IREB2: variants seen among roughly 807,000 people sequenced by gnomAD.
IREB2 encodes the protein iron responsive element binding protein 2.
In IREB2, 39 loss-of-function variants were observed where a neutral mutation model predicts 118.8. That is an observed-to-expected ratio of 0.33 (90% CI 0.25 to 0.43). The LOEUF (loss-of-function observed/expected upper bound fraction) is 0.43, where lower values mean the gene tolerates loss of function less well. Ranked by LOEUF, IREB2 falls within the 20% of genes least tolerant of loss-of-function variation. The pLI is 1.00. For synonymous variants in IREB2, 372 were observed against 392.2 expected (o/e 0.95, Z 0.61); for missense variants, 900 against 1,147.3 (o/e 0.78, Z 3.11).
intron 9 of IREB2, 200 bp downstream of exon 9, chr15:78,476,559 G>A (rs560876154): frequency 1.2e-4 from 49 of 394,280 alleles, no homozygotes; most frequent in African/African-American, 7.6e-4. Flanking sequence ...CACATTGAAA[G>A]CAATTTAAAG....
intron 2 of IREB2, among the ~76,000 whole-genome samples, chr15:78,453,769 T>C (rs1410627624): frequency 1.6e-4 from 25 of 152,118 alleles, no homozygotes; most frequent in Admixed American, 1.6e-3. Context: ...AGAAGATAAA[T>C]AGAGATTAAA....
At chr15:78,477,236 C>T (rs2051486827) in intron 9 of IREB2, among the ~76,000 whole-genome samples, 3 of 152,188 alleles carry the variant, frequency 2.0e-5, no homozygotes, top group African/African-American at 4.8e-5. Context: ...TCCTGTGTAA[C>T]AAATTATCCT....
At chr15:78,438,033 A>G (rs960574370), upstream of IREB2, 3 of 442,866 alleles carry the variant, frequency 6.8e-6, no homozygotes, top group Admixed American at 7.4e-5. Context: ...CCCCCACTGG[A>G]GCCTCCCCAG....
Position 78,498,405 on chromosome 15 carries a change from G to A in IREB2, c.*262G>A, listed in dbSNP as rs748880232. The A allele has an allele frequency of 2.9e-4, 66 of 227,268 alleles. No individual in the cohort carries two copies. The highest frequency in any genetic ancestry group is 5.7e-4 in the Admixed American group (10 of 17,612). The allele number at this position is 227,268 out of a possible 1,614,324, so 14.1% of individuals were successfully genotyped here. On this transcript the variant is annotated 3_prime_UTR_variant, in exon 22 of 22. Coordinates refer to ENST00000258886, the MANE Select transcript of IREB2 (RefSeq NM_004136.4). Reference sequence around the variant, plus strand: ...AGACCTGTAAGTATGGGGGGGGGGCGATATTTTATCAGACCATTTTGTAAA... The same window carrying A: ...AGACCTGTAAGTATGGGGGGGGGGCAATATTTTATCAGACCATTTTGTAAA...
intron 2 of IREB2, among the ~76,000 whole-genome samples, chr15:78,440,561 C>T (rs1008954429): frequency 5.9e-5 from 9 of 152,074 alleles, no homozygotes; most frequent in African/African-American, 2.2e-4. Context: ...GAGTTGGGGT[C>T]TTGCTGTGTT....
chr15:78,444,075 A>G (rs1180520595), intron 2 of IREB2, among the ~76,000 whole-genome samples: 2 of 152,074 alleles, frequency 1.3e-5, no homozygotes, highest in African/African-American at 4.8e-5. Flanking sequence ...AAAAAAAATT[A>G]TAAAGATGGA....
At position 78,445,205 on chromosome 15, in the gene IREB2, TC is replaced by T. The variant is rs142913344; in HGVS notation, c.106+5325del. On this transcript the variant is annotated intron_variant, in intron 2 of 21. Transcript: ENST00000258886. ...CAGGCTGGAGTGCAGTGGCACAGTCTCAGTTCATTGCGTCCTCCAACTCCTG... is the reference window on the plus strand; with the variant it reads ...CAGGCTGGAGTGCAGTGGCACAGTCTAGTTCATTGCGTCCTCCAACTCCTG... Among the ~76,000 whole-genome samples the T allele has an allele frequency of 1.4e-4, 21 of 151,442 alleles. No individual in the cohort carries two copies. In the East Asian group the frequency reaches 4.1e-3, roughly 30 times the overall value.
Position 78,498,235 on chromosome 15 carries a change from C to A in IREB2, c.*92C>A. ...TCCTTACCATGGAGCAGCAGATAGT[C>A]CCAGTATACTCACTTATCTCATCCA... On this transcript the variant is annotated 3_prime_UTR_variant, in exon 22 of 22. Coordinates refer to ENST00000258886, the MANE Select transcript of IREB2 (RefSeq NM_004136.4). The A allele has an allele frequency of 1.5e-6, 1 of 678,500 alleles. No individual in the cohort carries two copies. The highest frequency in any genetic ancestry group is 2.7e-6 in the Non-Finnish European group (1 of 374,040). 42.0% of individuals were successfully genotyped at this position (678,500 alleles called of 1,614,324 possible). A position where few individuals can be genotyped will look rare whatever the true frequency, so the allele number is the denominator to read the frequency against.
chr15:78,446,486 G>A (rs2050931189), intron 2 of IREB2, among the ~76,000 whole-genome samples: 2 of 152,230 alleles, frequency 1.3e-5, no homozygotes, highest in South Asian at 4.1e-4. Context: ...AAATGGTGGT[G>A]GCCCAGAATT....
chr15:78,469,193 AAGAT>A (rs1408236063), intron 5 of IREB2, among the ~76,000 whole-genome samples: 1 of 152,174 alleles, frequency 6.6e-6, no homozygotes, highest in Non-Finnish European at 1.5e-5. Flanking sequence ...GTTGAGTAGA[AAGAT>A]GAGAGCATAA....
intron 20 of IREB2, among the ~76,000 whole-genome samples, chr15:78,496,922 G>A (rs551779083): frequency 7.9e-5 from 12 of 152,242 alleles, no homozygotes; most frequent in African/African-American, 1.4e-4. Flanking sequence ...AAAGGGATCC[G>A]AATAATTTAG....
intron 9 of IREB2, among the ~76,000 whole-genome samples, chr15:78,477,680 G>T (rs1368236275): frequency 1.3e-5 from 2 of 152,166 alleles, no homozygotes; most frequent in African/African-American, 4.8e-5. Flanking sequence ...AGCACTTCGG[G>T]AGGCTGAGGC....
intron 2 of IREB2, 56 bp from the exon 3 acceptor site, chr15:78,462,866 A>G: frequency 7.6e-7 from 1 of 1,322,620 alleles, no homozygotes; most frequent in Non-Finnish European, 1.0e-6. Context: ...GGCATTTTAA[A>G]AATAATATAT....
At chr15:78,474,446 C>G (rs566647412) in intron 8 of IREB2, 1 of 152,150 alleles carries the variant, frequency 6.6e-6, no homozygotes, top group Non-Finnish European at 1.5e-5. Context: ...CAGGATTATT[C>G]CTAGAGGAAA....
At chr15:78,438,466 C>T (rs2050789956) in intron 1 of IREB2, 110 bp downstream of exon 1, 2 of 1,276,638 alleles carry the variant, frequency 1.6e-6, no homozygotes, top group East Asian at 2.5e-5. Context: ...CCCAGGCCCT[C>T]GGGGCTCGGG....
intron 13 of IREB2, among the ~76,000 whole-genome samples, chr15:78,486,307 A>G (rs2051658219): frequency 6.6e-6 from 1 of 152,230 alleles, no homozygotes; most frequent in Admixed American, 6.5e-5. Context: ...CTTTGGAGAA[A>G]GTAACTTATG....
Position 78,498,395 on chromosome 15 carries a change from G to T in IREB2, c.*252G>T, listed in dbSNP as rs1036950866. 1.2e-5 allele frequency: 1 copy of T among 81,966 alleles called. No individual in the cohort carries two copies. The highest frequency in any genetic ancestry group is 2.0e-5 in the Non-Finnish European group (1 of 50,960). The allele number at this position is 81,966 out of a possible 1,614,324, so 5.1% of individuals were successfully genotyped here. On this transcript the variant is annotated 3_prime_UTR_variant, in exon 22 of 22. Coordinates refer to ENST00000258886, the MANE Select transcript of IREB2 (RefSeq NM_004136.4). ...GTTGTGGAAGAGACCTGTAAGTATGGGGGGGGGGCGATATTTTATCAGACC... is the reference window on the plus strand; with the variant it reads ...GTTGTGGAAGAGACCTGTAAGTATGTGGGGGGGGCGATATTTTATCAGACC...
At chr15:78,483,175 G>C (rs1466094872) in intron 10 of IREB2, 143 bp from the exon 11 acceptor site, 5 of 505,154 alleles carry the variant, frequency 9.9e-6, no homozygotes, top group African/African-American at 9.7e-5. Flanking sequence ...TCTTGGGGTT[G>C]AGGGTGTATT....
At chr15:78,447,652 T>C (rs2050953870) in intron 2 of IREB2, among the ~76,000 whole-genome samples, 1 of 151,876 alleles carries the variant, frequency 6.6e-6, no homozygotes, top group African/African-American at 2.4e-5. Flanking sequence ...TTATCTTTTA[T>C]AGAGACGGGA....
Sources: allele counts gnomAD v4.1 joint callset (sites outside exome capture counted in the v4.1 genomes callset), GRCh38; gene constraint gnomAD v4.1.1; transcripts MANE v1.5; gene names NCBI Gene and HGNC (gene_info 2026-07-23, HGNC 2026-07-21).